C16orf74: variants seen among roughly 807,000 people sequenced by gnomAD.
The protein encoded by C16orf74 is uncharacterized protein C16orf74.
In C16orf74, 10 loss-of-function variants were observed where a neutral mutation model predicts 6.5. The ratio of observed to expected loss-of-function variants is 1.54; its 90% CI spans 0.95 to 2.61. The LOEUF (loss-of-function observed/expected upper bound fraction) is 2.61, where lower values mean the gene tolerates loss of function less well. C16orf74 is among the 30% of genes most tolerant of loss of function. C16orf74 has a pLI of 0.00. For missense variants in C16orf74, 141 were observed against 105.9 expected (o/e 1.33, Z -1.45); for synonymous variants, 60 against 42.5 (o/e 1.41, Z -1.60).
intron 2 of C16orf74, among the ~76,000 whole-genome samples, chr16:85,713,842 A>G (rs1439473094): frequency 6.6e-6 from 1 of 152,174 alleles, no homozygotes; most frequent in East Asian, 1.9e-4. Context: ...GGTGCTGTCC[A>G]TGGCTCCACG....
At chr16:85,726,203 G>C (rs561993342) in intron 2 of C16orf74, among the ~76,000 whole-genome samples, 1 of 152,076 alleles carries the variant, frequency 6.6e-6, no homozygotes, top group East Asian at 1.9e-4. Context: ...AGCCTGCTGG[G>C]TGTGTGTTTG....
At chr16:85,710,403 C>T (rs2152057420) in intron 2 of C16orf74, 96 bp from the exon 3 acceptor site, 3 of 1,257,158 alleles carry the variant, frequency 2.4e-6, no homozygotes, top group Non-Finnish European at 3.1e-6. Context: ...CCTCCCTTCA[C>T]TATCACCTGG....
intron 2 of C16orf74, among the ~76,000 whole-genome samples, chr16:85,712,978 C>A (rs1199241856): frequency 1.3e-5 from 2 of 152,192 alleles, no homozygotes; most frequent in African/African-American, 4.8e-5. Context: ...CAATCAGCCT[C>A]CAGAGGAGCC....
intron 2 of C16orf74, among the ~76,000 whole-genome samples, chr16:85,719,016 G>T (rs1202298964): frequency 2.0e-5 from 3 of 152,246 alleles, no homozygotes; most frequent in African/African-American, 7.2e-5. Flanking sequence ...TATGGGAATG[G>T]CCAGGGGCTT....
chr16:85,734,236 G>A (rs1465885799), intron 2 of C16orf74, among the ~76,000 whole-genome samples: 1 of 152,226 alleles, frequency 6.6e-6, no homozygotes, highest in African/African-American at 2.4e-5. Context: ...CCGCCAGAGT[G>A]TTCCAGGCCC....
At chr16:85,747,749 T>C (rs2054389880) in intron 1 of C16orf74, among the ~76,000 whole-genome samples, 2 of 152,234 alleles carry the variant, frequency 1.3e-5, no homozygotes, top group Admixed American at 6.5e-5. Flanking sequence ...AGCTTGGTTT[T>C]ATACATTAGG....
chr16:85,739,242 G>A (rs2054277370), intron 1 of C16orf74, among the ~76,000 whole-genome samples: 1 of 152,214 alleles, frequency 6.6e-6, no homozygotes, highest in Admixed American at 6.5e-5. Flanking sequence ...TCCCTGGACT[G>A]TGGCTGCTGG....
intron 1 of C16orf74, among the ~76,000 whole-genome samples, chr16:85,749,853 G>C (rs1323678987): frequency 6.6e-6 from 1 of 152,218 alleles, no homozygotes. Context: ...AGATTAGGTG[G>C]TGAGCTTTCA....
chr16:85,719,310 A>G (rs905954512), intron 2 of C16orf74, among the ~76,000 whole-genome samples: 4 of 152,198 alleles, frequency 2.6e-5, no homozygotes, highest in Admixed American at 2.6e-4. Context: ...CCTCCTGTCC[A>G]GGCTCCAGTA....
intron 2 of C16orf74, among the ~76,000 whole-genome samples, chr16:85,729,774 G>A (rs371014): frequency 0.5 from 76,088 of 152,018 alleles, 19,849 homozygotes; most frequent in Middle Eastern, 0.69. Flanking sequence ...CGTGAAGACA[G>A]AGGCAGAGAC....
At chr16:85,716,689 G>A (rs1037723116) in intron 2 of C16orf74, among the ~76,000 whole-genome samples, 6 of 149,468 alleles carry the variant, frequency 4.0e-5, no homozygotes, top group East Asian at 4.0e-4. Flanking sequence ...GGAGGAAGGC[G>A]AGAGGGAGGA....
intron 1 of C16orf74, among the ~76,000 whole-genome samples, chr16:85,739,971 A>G (rs1375374262): frequency 6.6e-6 from 1 of 151,814 alleles, no homozygotes; most frequent in Non-Finnish European, 1.5e-5. Context: ...GCACTTAGGG[A>G]GGCCGAGGCG....
chr16:85,736,709 C>T (rs8049350), intron 1 of C16orf74, among the ~76,000 whole-genome samples: 5,012 of 152,228 alleles, frequency 0.033, 266 homozygotes, highest in African/African-American at 0.11. Context: ...AACTCCCAGC[C>T]ATGTGATCAC....
chr16:85,714,040 C>G (rs2053995423), intron 2 of C16orf74, among the ~76,000 whole-genome samples: 1 of 152,306 alleles, frequency 6.6e-6, no homozygotes, highest in East Asian at 1.9e-4. Context: ...AAGCCCCAAA[C>G]CTGCAGCTGG....
At chr16:85,727,688 C>G (rs781112745) in intron 2 of C16orf74, among the ~76,000 whole-genome samples, 1 of 152,052 alleles carries the variant, frequency 6.6e-6, no homozygotes, top group Non-Finnish European at 1.5e-5. Flanking sequence ...GTGCCTCTTG[C>G]CTGTAGTCCT....
chr16:85,713,366 G>C (rs936016563), intron 2 of C16orf74, among the ~76,000 whole-genome samples: 1 of 152,144 alleles, frequency 6.6e-6, no homozygotes, highest in Non-Finnish European at 1.5e-5. Flanking sequence ...CTGCCTCTCG[G>C]GTTCAAACAA....
intron 1 of C16orf74, among the ~76,000 whole-genome samples, chr16:85,741,093 C>T (rs1598806867): frequency 6.6e-6 from 1 of 152,194 alleles, no homozygotes; most frequent in Admixed American, 6.5e-5. Context: ...AAGGCAACAT[C>T]CAGAAGAGAC....
intron 2 of C16orf74, among the ~76,000 whole-genome samples, chr16:85,729,300 C>T (rs376199801): frequency 4.8e-4 from 73 of 152,298 alleles, no homozygotes; most frequent in Middle Eastern, 3.4e-3. Flanking sequence ...GGGTGAGGCA[C>T]GAGGGAGATT....
intron 2 of C16orf74, among the ~76,000 whole-genome samples, chr16:85,732,093 G>A (rs2054194937): frequency 6.6e-6 from 1 of 152,218 alleles, no homozygotes; most frequent in Non-Finnish European, 1.5e-5. Context: ...GAAGACAGAA[G>A]AGGAAAGCCA....
Sources: gnomAD v4.1 joint callset for allele counts (sites outside exome capture counted in the v4.1 genomes callset) on GRCh38, gnomAD v4.1.1 for gene constraint, MANE v1.5 for transcripts, NCBI Gene and HGNC (gene_info 2026-07-23, HGNC 2026-07-21) for gene names.